Variants in SYT2 observed in about 807,000 individuals in gnomAD.
SYT2 encodes the protein synaptotagmin-2.
A neutral mutation model predicts 39.9 loss-of-function variants in SYT2; 15 were observed. The ratio of observed to expected loss-of-function variants is 0.38; its 90% CI spans 0.25 to 0.58. SYT2 has a LOEUF of 0.58. Among genes scored for constraint, SYT2 ranks in the 20% least tolerant of loss-of-function variants. The pLI, the probability that SYT2 is intolerant of heterozygous loss-of-function variation, is 0.70. For synonymous variants in SYT2, 181 were observed against 204.5 expected (o/e 0.89, Z 0.98); for missense variants, 389 against 530.3 (o/e 0.73, Z 2.62).
At chr1:202,651,993 G>A (rs1456552614) in intron 1 of SYT2, among the ~76,000 whole-genome samples, 1 of 152,246 alleles carries the variant, frequency 6.6e-6, no homozygotes, top group Non-Finnish European at 1.5e-5. Context: ...GGGAGGCGGA[G>A]GTTGCAGTGA....
In SYT2 at chr1:202,687,767, C is replaced by CA. The variant is rs201831539; in HGVS notation, c.-18+22490dup. On this transcript the variant is annotated intron_variant, in intron 1 of 8. Transcript: ENST00000367268. The stretch of plus-strand genomic sequence containing the variant: ...CAGACCGGGGGGATCAAGGATTCTG[C>CA]AAAAAAAAGCCTTGCTTTTGTTTAA... 1.4e-3 allele frequency among the ~76,000 whole-genome samples: 216 copies of CA among 151,280 alleles called. 2 individuals carry two copies. In the East Asian group the frequency reaches 0.015, roughly 10 times the overall value.
Position 202,703,699 on chromosome 1 carries a change from C to T in SYT2, c.-18+6559G>A, listed in dbSNP as rs570306799. 3.9e-5 allele frequency among the ~76,000 whole-genome samples: 6 copies of T among 152,142 alleles called. No homozygotes were observed. In the East Asian group the frequency reaches 1.2e-3, roughly 30 times the overall value. On this transcript the variant is annotated intron_variant, in intron 1 of 8. Transcript: ENST00000367268. ...TACAAATGCGGTGGGCTGCTGGGCT[C>T]GCCCTAACCCTGCATCACCCCCAGG...
Position 202,652,241 on chromosome 1 carries a change from G to A in SYT2, c.-17-46452C>T, listed in dbSNP as rs192941962. Among the ~76,000 whole-genome samples the A allele has an allele frequency of 5.6e-4, 85 of 152,358 alleles. 3 individuals are homozygous for A. Among genetic ancestry groups the A allele is most frequent in the Admixed American group, 5.2e-3 (79 of 15,306 alleles). On this transcript the variant is annotated intron_variant, in intron 1 of 8. Coordinates refer to ENST00000367268, the MANE Select transcript of SYT2 (RefSeq NM_177402.5). ...CCTTTGCCTTGGGTGAGTGGCATCT[G>A]AGGATGGCTCCCTGGGGAGAAATAA...
intron 1 of SYT2, among the ~76,000 whole-genome samples, chr1:202,701,340 G>A (rs1654116316): frequency 6.6e-6 from 1 of 152,324 alleles, no homozygotes; most frequent in East Asian, 1.9e-4. Context: ...AGTTCAGCCT[G>A]CAACTCAAAC....
chr1:202,617,465 C>T (rs951552786), intron 1 of SYT2, among the ~76,000 whole-genome samples: 1 of 152,140 alleles, frequency 6.6e-6, no homozygotes, highest in Non-Finnish European at 1.5e-5. Flanking sequence ...TTTCCTGAGG[C>T]CTCTCCAGAA....
intron 1 of SYT2, among the ~76,000 whole-genome samples, chr1:202,608,111 GAT>G (rs1690767302): frequency 6.6e-6 from 1 of 152,204 alleles, no homozygotes; most frequent in African/African-American, 2.4e-5. Flanking sequence ...TGACTCTATA[GAT>G]TTGTCTATCC....
At chr1:202,693,115 C>A (rs1193954869) in intron 1 of SYT2, among the ~76,000 whole-genome samples, 1 of 152,126 alleles carries the variant, frequency 6.6e-6, no homozygotes, top group Non-Finnish European at 1.5e-5. Flanking sequence ...TTTGACCCTA[C>A]TGTCTGTGAG....
At chr1:202,609,534 C>T (rs1225623754) in intron 1 of SYT2, among the ~76,000 whole-genome samples, 1 of 152,232 alleles carries the variant, frequency 6.6e-6, no homozygotes, top group Non-Finnish European at 1.5e-5. Flanking sequence ...TATTTCTCCA[C>T]ATCCTCTCCA....
At chr1:202,683,922 G>A (rs1424886443) in intron 1 of SYT2, among the ~76,000 whole-genome samples, 1 of 151,928 alleles carries the variant, frequency 6.6e-6, no homozygotes, top group African/African-American at 2.4e-5. Context: ...AGGTTACCCA[G>A]GTGTGCTCGG....
At chr1:202,607,770 G>T (rs915810990) in intron 1 of SYT2, among the ~76,000 whole-genome samples, 3 of 152,178 alleles carry the variant, frequency 2.0e-5, no homozygotes, top group Non-Finnish European at 4.4e-5. Flanking sequence ...AGATGGGTCC[G>T]GTTTGGCGGG....
At chr1:202,695,442 C>T (rs1011761222) in intron 1 of SYT2, among the ~76,000 whole-genome samples, 1 of 152,184 alleles carries the variant, frequency 6.6e-6, no homozygotes, top group Non-Finnish European at 1.5e-5. Context: ...CCTGGCCTCC[C>T]TTACCCTCCA....
At chr1:202,676,547 A>C (rs1653379448) in intron 1 of SYT2, among the ~76,000 whole-genome samples, 1 of 152,212 alleles carries the variant, frequency 6.6e-6, no homozygotes, top group African/African-American at 2.4e-5. Flanking sequence ...TGAATCTTGC[A>C]TTTCAGATCA....
In SYT2 at chr1:202,591,357, TACTGCCCTCA is replaced by T. The variant is rs1690108905; in HGVS notation, c.*5390_*5399del. 2.0e-5 allele frequency: 3 copies of T among 152,672 alleles called. No individual in the cohort carries two copies. The South Asian group carries it at 6.2e-4, about 32-fold the overall frequency. The allele number at this position is 152,672 out of a possible 1,614,324, so 9.5% of individuals were successfully genotyped here. A position where few individuals can be genotyped will look rare whatever the true frequency, so the allele number is the denominator to read the frequency against. On this transcript the variant is annotated 3_prime_UTR_variant, in exon 9 of 9. Coordinates refer to ENST00000367268, the MANE Select transcript of SYT2 (RefSeq NM_177402.5). ...GGCATCCTGGGCTCTTCCCATGCAG[TACTGCCCTCA>T]GGTGCCCATGGGGCCAGGGGCCGCA...
chr1:202,675,853 T>C (rs1169171304), intron 1 of SYT2, among the ~76,000 whole-genome samples: 1 of 152,232 alleles, frequency 6.6e-6, no homozygotes, highest in African/African-American at 2.4e-5. Flanking sequence ...TGAATAGTAA[T>C]CATTCCTAAC....
At chr1:202,620,922 T>C (rs1187717218) in intron 1 of SYT2, among the ~76,000 whole-genome samples, 1 of 152,140 alleles carries the variant, frequency 6.6e-6, no homozygotes, top group Non-Finnish European at 1.5e-5. Context: ...CCTGGAGCTT[T>C]GCTCTGTGTG....
intron 1 of SYT2, chr1:202,630,401 G>A (rs961574157): frequency 3.0e-6 from 3 of 985,030 alleles, no homozygotes; most frequent in African/African-American, 1.7e-5. Flanking sequence ...ATGCACAGGC[G>A]CTTCTGCTGA....
At chr1:202,671,394 C>T (rs1692587814) in intron 1 of SYT2, among the ~76,000 whole-genome samples, 2 of 152,140 alleles carry the variant, frequency 1.3e-5, no homozygotes, top group Non-Finnish European at 2.9e-5. Flanking sequence ...CCATTTTTAG[C>T]GAGGGAATTT....
intron 1 of SYT2, among the ~76,000 whole-genome samples, chr1:202,625,307 G>C (rs1356758367): frequency 8.2e-6 from 1 of 122,046 alleles, no homozygotes; most frequent in Non-Finnish European, 1.7e-5. Context: ...TGCTGTGTCT[G>C]TGTGGTGTGT....
At chr1:202,598,197 C>T (rs943328477) in intron 8 of SYT2, among the ~76,000 whole-genome samples, 4 of 152,176 alleles carry the variant, frequency 2.6e-5, no homozygotes, top group African/African-American at 9.7e-5. Context: ...TCTAAGGTGA[C>T]GCCCAGGTTT....
Sources: gnomAD v4.1 joint callset for allele counts (sites outside exome capture counted in the v4.1 genomes callset) on GRCh38, gnomAD v4.1.1 for gene constraint, MANE v1.5 for transcripts, NCBI Gene and HGNC (gene_info 2026-07-23, HGNC 2026-07-21) for gene names.